The following TNN variants were observed in gnomAD, a reference collection of about 807,000 sequenced individuals.
TNN encodes the protein tenascin-N.
Under a neutral mutation model 134.4 loss-of-function variants are expected in TNN, and 122 were observed. The observed-to-expected ratio is 0.91, with a 90% CI of 0.78 to 1.06. The LOEUF (loss-of-function observed/expected upper bound fraction) is 1.06. Ranked by LOEUF, TNN falls within the 50% of genes least tolerant of loss-of-function variation. The pLI is 0.00. For synonymous variants in TNN, 710 were observed against 670.3 expected, an observed-to-expected ratio of 1.06 and a Z score of -0.91; for missense variants, 1,739 against 1,699.4, an observed-to-expected ratio of 1.02 and a Z score of -0.41.
At chr1:175,127,213 T>C in intron 13 of TNN, 128 bp downstream of exon 13, 2 of 1,138,222 alleles carry the variant, frequency 1.8e-6, no homozygotes, top group South Asian at 1.5e-5. Flanking sequence ...TTGCTGGTTG[T>C]ACATCTGCCC....
intron 11 of TNN, among the ~76,000 whole-genome samples, chr1:175,120,727 C>T (rs1215059855): frequency 6.8e-6 from 1 of 146,430 alleles, no homozygotes; most frequent in Admixed American, 6.7e-5. Context: ...GCCCTGTGCC[C>T]AGCTTTACTT....
chr1:175,145,682 C>T (rs1003816538), intron 18 of TNN, among the ~76,000 whole-genome samples: 2 of 151,658 alleles, frequency 1.3e-5, no homozygotes, highest in African/African-American at 4.8e-5. Flanking sequence ...TTGAGCTAGA[C>T]CAGTCTCTCC....
At chr1:175,080,911 C>G (rs1674185576) in intron 4 of TNN, among the ~76,000 whole-genome samples, 1 of 152,190 alleles carries the variant, frequency 6.6e-6, no homozygotes, top group Non-Finnish European at 1.5e-5. Context: ...TGGTGACACA[C>G]TAAGACCTGC....
chr1:175,097,540 A>G lies in TNN; in HGVS notation c.1712A>G (p.Gln571Arg). ...GTGCGCTACACCTCTGCTGACGACC[A>G]AGAGACCAGAGAGGTTCTGGTGGGG... ...YVVRYTSADDQETREVLVGKE... is the reference protein window; with the variant it reads ...YVVRYTSADDRETREVLVGKE... Residue 571 changes from glutamine to arginine, a missense_variant, in exon 8 of 19, where the codon CAA (glutamine) becomes CGA (arginine). Transcript: ENST00000239462. 6.2e-7 allele frequency: 1 copy of G among 1,614,218 alleles called. No individual in the cohort carries two copies. Among genetic ancestry groups the G allele is most frequent in the Non-Finnish European group, 8.5e-7 (1 of 1,180,048 alleles).
At chr1:175,074,017 T>C (rs930449426) in intron 1 of TNN, among the ~76,000 whole-genome samples, 1 of 152,140 alleles carries the variant, frequency 6.6e-6, no homozygotes, top group African/African-American at 2.4e-5. Context: ...TTCAGTCCTC[T>C]CACACTGCAG....
intron 1 of TNN, among the ~76,000 whole-genome samples, chr1:175,071,542 AC>A (rs1673913883): frequency 6.6e-6 from 1 of 152,206 alleles, no homozygotes; most frequent in Non-Finnish European, 1.5e-5. Context: ...CCTTGGCACC[AC>A]TCAGAGGAAG....
chr1:175,129,137 T>A (rs1245727786), intron 15 of TNN, among the ~76,000 whole-genome samples: 1 of 152,212 alleles, frequency 6.6e-6, no homozygotes, highest in African/African-American at 2.4e-5. Context: ...AAAAAGATCA[T>A]GAGGGGATGT....
chr1:175,117,609 A>T (rs1292653270), intron 10 of TNN, among the ~76,000 whole-genome samples: 1 of 152,248 alleles, frequency 6.6e-6, no homozygotes, highest in Non-Finnish European at 1.5e-5. Context: ...GGAGATGTAT[A>T]TCATTTGCTT....
At chr1:175,111,272 C>T (rs1675017147) in intron 9 of TNN, among the ~76,000 whole-genome samples, 1 of 151,854 alleles carries the variant, frequency 6.6e-6, no homozygotes, top group Admixed American at 6.6e-5. Context: ...GAGCCAAGAT[C>T]ACACCATTGC....
At chr1:175,125,670 C>A (rs201141703) in intron 12 of TNN, among the ~76,000 whole-genome samples, 3 of 72,674 alleles carry the variant, frequency 4.1e-5, no homozygotes, top group Admixed American at 3.0e-4. Context: ...TCCTTCTCTC[C>A]CTCCCTCCCT....
intron 15 of TNN, among the ~76,000 whole-genome samples, chr1:175,132,044 C>T (rs1675688097): frequency 6.6e-6 from 1 of 151,634 alleles, no homozygotes; most frequent in African/African-American, 2.4e-5. Flanking sequence ...TCTAGGGGGG[C>T]AGGGTTGGAT....
chr1:175,093,020 G>A (rs1674489974), intron 6 of TNN, among the ~76,000 whole-genome samples: 1 of 152,184 alleles, frequency 6.6e-6, no homozygotes, highest in African/African-American at 2.4e-5. Context: ...GAAGCCAGAG[G>A]GATCCTTTGA....
chr1:175,080,379 T>G lies in TNN; in HGVS notation c.1001T>G (p.Val334Gly). The change falls in exon 4 of 19, where the codon GTC (valine) becomes GGC (glycine). Residue 334 changes from valine (V) to glycine (G), a missense_variant. Transcript: ENST00000239462. ...GTKYIVTLRN[V>G]KNEVSSSPQH... The stretch of plus-strand genomic sequence containing the variant: ...AAGTACATAGTCACCCTGCGTAACG[T>G]CAAGAATGAAGTTTCTAGCAGCCCA... 6.2e-7 allele frequency: 1 copy of G among 1,614,034 alleles called. No individual in the cohort carries two copies. Among genetic ancestry groups the G allele is most frequent in the South Asian group, 1.1e-5 (1 of 91,076 alleles).
chr1:175,136,608 C>T (rs970142376), intron 16 of TNN, among the ~76,000 whole-genome samples: 3 of 152,130 alleles, frequency 2.0e-5, no homozygotes, highest in African/African-American at 4.8e-5. Context: ...GTTACCCTGC[C>T]CCCTTCACTG....
chr1:175,146,287 TCA>T (rs994113971), intron 18 of TNN, among the ~76,000 whole-genome samples: 35 of 152,350 alleles, frequency 2.3e-4, no homozygotes, highest in African/African-American at 8.2e-4. Flanking sequence ...AATGCGCTTT[TCA>T]CAGTCTGCAA....
chr1:175,080,502 T>C (rs1384001970), intron 4 of TNN, 76 bp downstream of exon 4: 1 of 1,559,076 alleles, frequency 6.4e-7, no homozygotes, highest in East Asian at 2.3e-5. Flanking sequence ...TAAACACCTG[T>C]AGGCAGTTGC....
At chr1:175,109,898 A>G (rs1558361545) in intron 9 of TNN, among the ~76,000 whole-genome samples, 1 of 151,962 alleles carries the variant, frequency 6.6e-6, no homozygotes, top group Admixed American at 6.6e-5. Context: ...ATCATATGGT[A>G]CATCTATTTT....
At chr1:175,100,700 GT>G (rs10612090) in intron 9 of TNN, among the ~76,000 whole-genome samples, 68,172 of 150,532 alleles carry the variant, frequency 0.45, 16,334 homozygotes, top group African/African-American at 0.63. Context: ...AGAAATGCTA[GT>G]TTTTTTTTTT....
rs769529208 is a variant in TNN, at chr1:175,128,582, G to T, written c.3179-13G>T. 1.2e-5 allele frequency: 19 copies of T among 1,606,760 alleles called. No homozygotes were observed. The highest frequency in any genetic ancestry group is 2.2e-5 in the South Asian group (2 of 89,982). On this transcript the variant is annotated splice_polypyrimidine_tract_variant and intron_variant, in intron 14 of 18. Transcript: ENST00000239462. ...CCCTTGTCCTAACAACACTCTCTCTGCTTGGCTCCCAGTTGGTGCCCGTTT... is the reference window on the plus strand; with the variant it reads ...CCCTTGTCCTAACAACACTCTCTCTTCTTGGCTCCCAGTTGGTGCCCGTTT...
Sources: allele counts gnomAD v4.1 joint callset (sites outside exome capture counted in the v4.1 genomes callset), GRCh38; gene constraint gnomAD v4.1.1; transcripts MANE v1.5; gene names NCBI Gene and HGNC (gene_info 2026-07-23, HGNC 2026-07-21).